CEP83: variants seen among roughly 807,000 people sequenced by gnomAD.
CEP83 encodes the protein centrosomal protein 83, also known as centrosomal protein of 83 kDa.
Under a neutral mutation model 101.9 loss-of-function variants are expected in CEP83, and 70 were observed. The observed-to-expected ratio is 0.69, with a 90% CI of 0.57 to 0.84. CEP83 has a LOEUF of 0.84. CEP83 is among the 40% of genes least tolerant of loss of function. The probability of loss-of-function intolerance (pLI) is 0.00; values close to 1 mark genes in which losing one functional copy is unlikely to be tolerated. For missense variants in CEP83, 715 were observed against 787.2 expected (o/e 0.91, Z 1.10); for synonymous variants, 264 against 267.9 (o/e 0.99, Z 0.14).
At chr12:94,411,592 C>T in intron 4 of CEP83, 105 bp downstream of exon 4, 1 of 754,640 alleles carries the variant, frequency 1.3e-6, no homozygotes, top group Non-Finnish European at 2.2e-6. Context: ...GCAAAGTAAT[C>T]ATTAAGGATA....
downstream of CEP83, among the ~76,000 whole-genome samples, chr12:94,302,919 G>T (rs981845280): frequency 1.3e-5 from 2 of 152,004 alleles, no homozygotes; most frequent in African/African-American, 4.8e-5. Flanking sequence ...TGATTTCTGG[G>T]TTCCACTTAA....
intron 12 of CEP83, among the ~76,000 whole-genome samples, chr12:94,335,277 T>C (rs1344910597): frequency 6.6e-6 from 1 of 152,104 alleles, no homozygotes; most frequent in African/African-American, 2.4e-5. Context: ...GATATTTCTA[T>C]TGAGTTTTTA....
At position 94,385,173 on chromosome 12, in the gene CEP83, G is replaced by A. The variant is rs145552151; in HGVS notation, c.550-6131C>T. On this transcript the variant is annotated intron_variant, in intron 6 of 16. Coordinates refer to ENST00000397809, the MANE Select transcript of CEP83 (RefSeq NM_016122.3). ...TTCTCATGATACCCATAATGAACAG[G>A]GGTGGGAGTTCTGGTTCCCCATTAG... Among the ~76,000 whole-genome samples, 119 of 152,242 alleles carry A rather than the reference G, an allele frequency of 7.8e-4. 1 individual carries two copies. In the East Asian group the frequency reaches 0.022, roughly 28 times the overall value.
intron 6 of CEP83, among the ~76,000 whole-genome samples, chr12:94,392,490 G>A (rs1219189423): frequency 2.0e-5 from 3 of 152,214 alleles, no homozygotes; most frequent in Non-Finnish European, 4.4e-5. Context: ...ATTTACAGCA[G>A]TGTGTAAAGG....
At chr12:94,285,902 C>A in the CEP83 span, among the ~76,000 whole-genome samples, 2 of 152,182 alleles carry the variant, frequency 1.3e-5, no homozygotes, top group Non-Finnish European at 2.9e-5. Flanking sequence ...GGCTTCTCAG[C>A]ATCCCTTGGC....
At chr12:94,341,696 T>C (rs1325221244) in intron 11 of CEP83, among the ~76,000 whole-genome samples, 3 of 152,160 alleles carry the variant, frequency 2.0e-5, no homozygotes, top group Non-Finnish European at 4.4e-5. Flanking sequence ...TCAATGTGAC[T>C]AACAGAATAG....
intron 6 of CEP83, 55 bp from the exon 7 acceptor site, chr12:94,379,097 T>C (rs1473549432): frequency 2.9e-6 from 4 of 1,398,342 alleles, no homozygotes; most frequent in Non-Finnish European, 3.9e-6. Context: ...TTTTCAGTCA[T>C]GAACATGCTT....
At chr12:94,348,114 A>AAT (rs557376979) in intron 11 of CEP83, among the ~76,000 whole-genome samples, 16 of 151,726 alleles carry the variant, frequency 1.1e-4, no homozygotes, top group African/African-American at 2.4e-4. Context: ...CCACAAAAAA[A>AAT]ATATATATAT....
At chr12:94,309,849 C>T in intron 16 of CEP83, 69 bp downstream of exon 16, 1 of 1,020,628 alleles carries the variant, frequency 9.8e-7, no homozygotes, top group South Asian at 2.5e-5. Context: ...AGTTTTATCA[C>T]CATATTTAAA....
intron 13 of CEP83, 126 bp from the exon 14 acceptor site, chr12:94,331,955 C>T (rs1031502059): frequency 1.3e-6 from 1 of 767,496 alleles, no homozygotes; most frequent in Non-Finnish European, 2.1e-6. Flanking sequence ...ACTGCAGGCC[C>T]TCCTGTATGG....
chr12:94,443,060 C>A (rs1409966651), intron 1 of CEP83, among the ~76,000 whole-genome samples: 4 of 152,170 alleles, frequency 2.6e-5, no homozygotes, highest in Non-Finnish European at 5.9e-5. Context: ...CACTATAACT[C>A]CTATGATAAT....
At position 94,424,338 on chromosome 12, in the gene CEP83, C is replaced by T. The variant is rs565499111; in HGVS notation, c.-102+10937G>A. 4.3e-4 allele frequency: 690 copies of T among 1,613,976 alleles called. 2 individuals carry two copies. Among genetic ancestry groups the T allele is most frequent in the Middle Eastern group, 2.8e-3 (17 of 6,026 alleles). ...TCAGCAAATTTGCAAAGCAAGGGAT[C>T]GGATGGGGCTGGTACTCCAGGGGGT... On this transcript the variant is annotated intron_variant, in intron 2 of 16. Transcript: ENST00000397809.
At chr12:94,431,802 G>A (rs1400736874) in intron 2 of CEP83, among the ~76,000 whole-genome samples, 1 of 152,064 alleles carries the variant, frequency 6.6e-6, no homozygotes, top group Non-Finnish European at 1.5e-5. Context: ...GCAAGGATGT[G>A]GAGAAAAAGG....
intron 11 of CEP83, among the ~76,000 whole-genome samples, chr12:94,356,149 T>C (rs969076264): frequency 2.6e-5 from 4 of 152,178 alleles, no homozygotes; most frequent in Non-Finnish European, 4.4e-5. Flanking sequence ...GAAAACTAGC[T>C]GGAGGACACC....
chr12:94,443,049 T>C (rs1005406972), intron 1 of CEP83, among the ~76,000 whole-genome samples: 10 of 152,228 alleles, frequency 6.6e-5, no homozygotes, highest in African/African-American at 2.4e-4. Context: ...ATTGCCTTCG[T>C]CACTATAACT....
the CEP83 span, among the ~76,000 whole-genome samples, chr12:94,287,041 C>G: frequency 2.0e-5 from 3 of 152,290 alleles, no homozygotes; most frequent in East Asian, 5.8e-4. Context: ...ATGACAATAA[C>G]CATGGCAGCC....
intron 11 of CEP83, among the ~76,000 whole-genome samples, chr12:94,354,732 C>T (rs2060363063): frequency 6.6e-6 from 1 of 152,160 alleles, no homozygotes; most frequent in Non-Finnish European, 1.5e-5. Flanking sequence ...TAACTGAAGG[C>T]CGGGTGTGGT....
intron 1 of CEP83, among the ~76,000 whole-genome samples, chr12:94,454,455 G>A (rs1431451050): frequency 6.6e-6 from 1 of 152,184 alleles, no homozygotes; most frequent in Non-Finnish European, 1.5e-5. Flanking sequence ...CTAACTAAAG[G>A]TTTGTAAACG....
At position 94,459,568 on chromosome 12, in the gene CEP83, A is replaced by G. The variant is rs2067991803; in HGVS notation, c.-166T>C. The G allele has an allele frequency of 6.6e-6, 1 of 152,664 alleles. No homozygotes were observed. Among genetic ancestry groups the G allele is most frequent in the Non-Finnish European group, 1.5e-5 (1 of 68,276 alleles). 9.5% of individuals were successfully genotyped at this position (152,664 alleles called of 1,614,324 possible). A position where few individuals can be genotyped will look rare whatever the true frequency, so the allele number is the denominator to read the frequency against. On this transcript the variant is annotated 5_prime_UTR_variant, in exon 1 of 17. Coordinates refer to ENST00000397809, the MANE Select transcript of CEP83 (RefSeq NM_016122.3). ...GAGAGGTTACATACCAGACGCACGC[A>G]CGCTCCTTGCAACCCGCACACGGAA...
Sources: gnomAD v4.1 joint callset for allele counts (sites outside exome capture counted in the v4.1 genomes callset) on GRCh38, gnomAD v4.1.1 for gene constraint, MANE v1.5 for transcripts, NCBI Gene and HGNC (gene_info 2026-07-23, HGNC 2026-07-21) for gene names.